ZFAT: variants seen among roughly 807,000 people sequenced by gnomAD.
ZFAT encodes the protein zinc finger protein ZFAT.
ZFAT carries 64 observed loss-of-function variants against 117.7 expected under a neutral mutation model. That is an observed-to-expected ratio of 0.54 (90% CI 0.44 to 0.67). The LOEUF is 0.67. ZFAT is among the 30% of genes least tolerant of loss of function. The pLI is 0.00. For missense variants in ZFAT, 1,433 were observed against 1,584.5 expected, an observed-to-expected ratio of 0.90 and a Z score of 1.62; for synonymous variants, 679 against 615.0, an observed-to-expected ratio of 1.10 and a Z score of -1.54.
intron 3 of ZFAT, among the ~76,000 whole-genome samples, chr8:134,627,256 A>G (rs1405542773): frequency 6.6e-6 from 1 of 152,220 alleles, no homozygotes; most frequent in Admixed American, 6.5e-5. Context: ...GACTGTTGCA[A>G]AACTGTCTGC....
At chr8:134,636,891 C>T (rs930535298) in intron 3 of ZFAT, among the ~76,000 whole-genome samples, 3 of 152,208 alleles carry the variant, frequency 2.0e-5, no homozygotes, top group Admixed American at 6.5e-5. Context: ...AGGAGGCACC[C>T]GATAGTCTTT....
the ZFAT span, among the ~76,000 whole-genome samples, chr8:134,828,630 G>C: frequency 6.6e-6 from 1 of 152,162 alleles, no homozygotes; most frequent in African/African-American, 2.4e-5. Context: ...ATCCCCACAT[G>C]AAGTACGAAC....
chr8:134,504,208 C>T (rs1275989330), intron 15 of ZFAT, among the ~76,000 whole-genome samples: 3 of 152,134 alleles, frequency 2.0e-5, no homozygotes, highest in Non-Finnish European at 4.4e-5. Flanking sequence ...CACACCACTT[C>T]ACTGGGAGCC....
chr8:134,616,662 C>T (rs1828756293), intron 3 of ZFAT, among the ~76,000 whole-genome samples: 1 of 152,200 alleles, frequency 6.6e-6, no homozygotes, highest in Admixed American at 6.5e-5. Flanking sequence ...AATTCCATAG[C>T]TGTCGATGGG....
chr8:134,726,942 A>G, the ZFAT span, among the ~76,000 whole-genome samples: 1 of 152,076 alleles, frequency 6.6e-6, no homozygotes, highest in Admixed American at 6.5e-5. Flanking sequence ...TTTCCCTGGC[A>G]CTGGCTGTGA....
At chr8:134,832,094 G>C in the ZFAT span, among the ~76,000 whole-genome samples, 1 of 140,052 alleles carries the variant, frequency 7.1e-6, no homozygotes, top group Non-Finnish European at 1.6e-5. Flanking sequence ...GCGGCCGGGG[G>C]AGAGGGCGCG....
intron 10 of ZFAT, among the ~76,000 whole-genome samples, chr8:134,572,919 G>A (rs970294377): frequency 1.3e-4 from 20 of 152,254 alleles, no homozygotes; most frequent in African/African-American, 3.9e-4. Context: ...ATGGTAAAAT[G>A]GTAAAACTCA....
At chr8:134,630,291 G>C (rs953771837) in intron 3 of ZFAT, among the ~76,000 whole-genome samples, 1 of 152,184 alleles carries the variant, frequency 6.6e-6, no homozygotes, top group African/African-American at 2.4e-5. Flanking sequence ...GCAGCAAAAA[G>C]AAACAGACAT....
Position 134,628,587 on chromosome 8 carries a change from G to A in ZFAT, c.448+8874C>T, listed in dbSNP as rs544225537. On this transcript the variant is annotated intron_variant, in intron 3 of 15. Coordinates refer to ENST00000377838, the MANE Select transcript of ZFAT (RefSeq NM_020863.4). Reference sequence around the variant, plus strand: ...TGCCTAGGAAAATCCACTGAAATTCGGGAATAAAAAAGAATTCTTCTTTAC... The same window carrying A: ...TGCCTAGGAAAATCCACTGAAATTCAGGAATAAAAAAGAATTCTTCTTTAC... 3.9e-5 allele frequency among the ~76,000 whole-genome samples: 6 copies of A among 152,226 alleles called. No homozygotes were observed. The South Asian group carries it at 1.0e-3, about 26-fold the overall frequency.
intron 12 of ZFAT, among the ~76,000 whole-genome samples, chr8:134,523,279 C>T (rs1343125973): frequency 1.3e-5 from 2 of 152,180 alleles, no homozygotes; most frequent in Non-Finnish European, 2.9e-5. Flanking sequence ...GGCTCGGTAT[C>T]CAGACATTCT....
chr8:134,482,240 C>A (rs1817365491), intron 15 of ZFAT, among the ~76,000 whole-genome samples: 1 of 152,162 alleles, frequency 6.6e-6, no homozygotes, highest in African/African-American at 2.4e-5. Flanking sequence ...CCAGATCATA[C>A]CTCCGTCTGC....
chr8:134,635,476 C>A (rs1233200882), intron 3 of ZFAT, among the ~76,000 whole-genome samples: 1 of 152,210 alleles, frequency 6.6e-6, no homozygotes, highest in Non-Finnish European at 1.5e-5. Flanking sequence ...GAACTAGATT[C>A]TCTGAAGGGC....
the ZFAT span, among the ~76,000 whole-genome samples, chr8:134,810,701 A>C: frequency 1.3e-5 from 2 of 152,168 alleles, no homozygotes; most frequent in African/African-American, 4.8e-5. Flanking sequence ...AACATAAAAG[A>C]ATAAAGCTCT....
At chr8:134,767,715 A>T in the ZFAT span, among the ~76,000 whole-genome samples, 8 of 152,268 alleles carry the variant, frequency 5.3e-5, no homozygotes, top group South Asian at 1.7e-3. Context: ...TAAGAAGTGT[A>T]TTTCTCACTT....
rs112407512 is a variant in ZFAT, at chr8:134,524,070, T to A, written c.3116-3069A>T. Reference sequence around the variant, plus strand: ...ATCTAGCTTCTCCTCAATCACTCTGTCTTGCGTCACTGACTCTGGGTCTTG... The same window carrying A: ...ATCTAGCTTCTCCTCAATCACTCTGACTTGCGTCACTGACTCTGGGTCTTG... On this transcript the variant is annotated intron_variant, in intron 12 of 15. Coordinates refer to ENST00000377838, the MANE Select transcript of ZFAT (RefSeq NM_020863.4). Among the ~76,000 whole-genome samples the A allele has an allele frequency of 8.1e-3, 1,232 of 152,322 alleles. 16 individuals are homozygous for A. The highest frequency in any genetic ancestry group is 0.028 in the African/African-American group (1,179 of 41,562).
intron 1 of ZFAT, among the ~76,000 whole-genome samples, chr8:134,664,050 G>A (rs140995593): frequency 4.8e-4 from 73 of 152,288 alleles, no homozygotes; most frequent in African/African-American, 1.6e-3. Flanking sequence ...CACTTGAAAG[G>A]ATCTTGAAAG....
At chr8:134,660,433 A>G (rs145509552) in intron 1 of ZFAT, among the ~76,000 whole-genome samples, 24 of 152,330 alleles carry the variant, frequency 1.6e-4, no homozygotes, top group African/African-American at 5.0e-4. Context: ...TGTTCATTTC[A>G]GTGTCCATTG....
chr8:134,602,116 C>T lies in ZFAT; in HGVS notation c.1603G>A (p.Ala535Thr). ...TCCAGCTGAGTGTCCCCAGGACAGGCCTCTTCCTTGAGTGCATTCACGCCC... is the reference window on the plus strand; with the variant it reads ...TCCAGCTGAGTGTCCCCAGGACAGGTCTCTTCCTTGAGTGCATTCACGCCC... ...LQGVNALKEE[A>T]CPGDTQLEEG... The change falls in exon 6 of 16, where the codon GCC (alanine) becomes ACC (threonine). Residue 535 changes from alanine to threonine, a missense_variant. Physicochemically the swap from Ala to Thr is moderately conservative, Grantham distance 58. Around this residue, in one of 5 missense-constraint regions of ZFAT, gnomAD observed 372 missense variants for 355.6 expected, o/e 1.05. Coordinates refer to ENST00000377838, the MANE Select transcript of ZFAT (RefSeq NM_020863.4). 1 of 1,612,610 alleles carries T rather than the reference C, an allele frequency of 6.2e-7. No homozygotes were observed. Among genetic ancestry groups the T allele is most frequent in the Non-Finnish European group, 8.5e-7 (1 of 1,179,628 alleles).
chr8:134,548,041 T>C (rs1822831363), intron 11 of ZFAT, among the ~76,000 whole-genome samples: 1 of 152,200 alleles, frequency 6.6e-6, no homozygotes, highest in South Asian at 2.1e-4. Context: ...TTGAACGCTG[T>C]TCCCTTGTGG....
Sources: allele counts gnomAD v4.1 joint callset (sites outside exome capture counted in the v4.1 genomes callset), GRCh38; gene constraint gnomAD v4.1.1; regional missense constraint gnomAD v4.1.1; transcripts MANE v1.5; gene names NCBI Gene and HGNC (gene_info 2026-07-23, HGNC 2026-07-21).